Variants in PACS1 observed in about 807,000 individuals in gnomAD.
PACS1 encodes phosphofurin acidic cluster sorting protein 1.
Under a neutral mutation model 115.0 loss-of-function variants are expected in PACS1, and 24 were observed. The ratio of observed to expected loss-of-function variants is 0.21; its 90% CI spans 0.15 to 0.29. PACS1 has a LOEUF of 0.29. PACS1 is among the 10% of genes least tolerant of loss of function. The pLI, the probability that PACS1 is intolerant of heterozygous loss-of-function variation, is 1.00. For missense variants in PACS1, 838 were observed against 1,251.2 expected, an observed-to-expected ratio of 0.67 and a Z score of 4.98; for synonymous variants, 453 against 504.5, an observed-to-expected ratio of 0.90 and a Z score of 1.37.
chr11:66,114,515 A>G (rs1382172373), intron 1 of PACS1, among the ~76,000 whole-genome samples: 2 of 152,144 alleles, frequency 1.3e-5, no homozygotes, highest in Non-Finnish European at 2.9e-5. Context: ...CATAGAATAG[A>G]GAAAACACAG....
chr11:66,140,084 G>A (rs924025535), intron 1 of PACS1, among the ~76,000 whole-genome samples: 1 of 152,130 alleles, frequency 6.6e-6, no homozygotes, highest in African/African-American at 2.4e-5. Context: ...ACTCTGATGT[G>A]GTAAAAACCT....
At chr11:66,190,166 A>C (rs1854483739) in intron 1 of PACS1, among the ~76,000 whole-genome samples, 1 of 152,256 alleles carries the variant, frequency 6.6e-6, no homozygotes, top group Non-Finnish European at 1.5e-5. Context: ...CATACTGAAG[A>C]CTACCTGATC....
At chr11:66,230,393 G>A (rs796078154) in intron 11 of PACS1, 155 bp from the exon 12 acceptor site, 22 of 622,158 alleles carry the variant, frequency 3.5e-5, no homozygotes, top group African/African-American at 3.5e-4. Flanking sequence ...ATTTTCCTTC[G>A]GCTGAGGCAG....
Position 66,070,346 on chromosome 11 carries a change from C to G in PACS1, c.-141C>G, listed in dbSNP as rs1377706583. On this transcript the variant is annotated 5_prime_UTR_variant, in exon 1 of 24. Transcript: ENST00000320580. The surrounding 1 kb of genome is among the most constrained non-coding windows in gnomAD (Gnocchi z 5.9). Reference sequence around the variant, plus strand: ...GGCCCGCGCGCCCAGAGGCCCCGCGCGTGCGTGCAGCTCGCTGGCTGCTCG... The same window carrying G: ...GGCCCGCGCGCCCAGAGGCCCCGCGGGTGCGTGCAGCTCGCTGGCTGCTCG... The G allele has an allele frequency of 3.2e-5, 11 of 346,258 alleles. No individual in the cohort carries two copies. Among genetic ancestry groups the G allele is most frequent in the Admixed American group, 5.4e-5 (1 of 18,536 alleles). The allele number at this position is 346,258 out of a possible 1,614,324, so 21.4% of individuals were successfully genotyped here.
chr11:66,222,857 G>A (rs1855382617), intron 10 of PACS1, among the ~76,000 whole-genome samples: 1 of 151,900 alleles, frequency 6.6e-6, no homozygotes, highest in African/African-American at 2.4e-5. Flanking sequence ...ACCAGGTGGG[G>A]CTCTCTCCCA....
chr11:66,205,554 A>G (rs1854915648), intron 2 of PACS1, among the ~76,000 whole-genome samples: 1 of 151,880 alleles, frequency 6.6e-6, no homozygotes, highest in African/African-American at 2.4e-5. Flanking sequence ...CATAAAAATT[A>G]TTAGTTAAAA....
intron 1 of PACS1, among the ~76,000 whole-genome samples, chr11:66,117,478 A>G (rs1298377480): frequency 6.8e-6 from 1 of 146,378 alleles, no homozygotes; most frequent in Non-Finnish European, 1.5e-5. Flanking sequence ...AAAAAAAGAG[A>G]GAAAAGAAAG....
Position 66,158,633 on chromosome 11 carries a change from C to A in PACS1, c.357-34853C>A, listed in dbSNP as rs191024655. 6.6e-5 allele frequency among the ~76,000 whole-genome samples: 10 copies of A among 152,226 alleles called. No individual in the cohort carries two copies. In the East Asian group the frequency reaches 1.9e-3, roughly 29 times the overall value. On this transcript the variant is annotated intron_variant, in intron 1 of 23. Coordinates refer to ENST00000320580, the MANE Select transcript of PACS1 (RefSeq NM_018026.4). ...GGAGTATTGCGTGAGCCCAGGAGTT[C>A]TAGGCTGCAGTGAGCTATGACCACA... is the stretch of plus-strand genomic sequence containing the variant.
At chr11:66,239,404 T>C in intron 21 of PACS1, 127 bp downstream of exon 21, 1 of 1,114,176 alleles carries the variant, frequency 9.0e-7, no homozygotes, top group South Asian at 1.6e-5. Context: ...ACACCTGTGG[T>C]CCTAGCTACT....
At chr11:66,195,084 C>T (rs972845406) in intron 2 of PACS1, among the ~76,000 whole-genome samples, 3 of 152,016 alleles carry the variant, frequency 2.0e-5, no homozygotes, top group Admixed American at 6.6e-5. Flanking sequence ...ATTAGCCAGG[C>T]GTGCATGTAG....
chr11:66,224,271 A>G (rs1342400904), intron 10 of PACS1, among the ~76,000 whole-genome samples: 2 of 151,368 alleles, frequency 1.3e-5, no homozygotes, highest in Admixed American at 6.6e-5. Flanking sequence ...CTGTCAGGGC[A>G]AAAACACATT....
intron 1 of PACS1, among the ~76,000 whole-genome samples, chr11:66,114,291 G>A (rs1858255932): frequency 1.3e-5 from 2 of 151,784 alleles, no homozygotes; most frequent in Non-Finnish European, 2.9e-5. Context: ...AGTGGCGGAC[G>A]CCTATAGTCA....
At chr11:66,224,624 A>G (rs1046298731) in intron 10 of PACS1, among the ~76,000 whole-genome samples, 4 of 152,166 alleles carry the variant, frequency 2.6e-5, no homozygotes, top group African/African-American at 9.7e-5. Context: ...TCCCTTGGCC[A>G]CGTTTCAGAC....
chr11:66,221,026 C>T, intron 9 of PACS1, 128 bp from the exon 10 acceptor site: 5 of 964,180 alleles, frequency 5.2e-6, no homozygotes, highest in African/African-American at 1.6e-5. Context: ...CCTGCACTTC[C>T]CTGCTCACCG....
intron 1 of PACS1, among the ~76,000 whole-genome samples, chr11:66,168,100 G>A (rs138070765): frequency 4.7e-5 from 7 of 149,712 alleles, no homozygotes; most frequent in Admixed American, 6.6e-5. Flanking sequence ...ATGGGGTCTC[G>A]CCATGTTGCC....
chr11:66,177,848 G>A (rs1456140692), intron 1 of PACS1, among the ~76,000 whole-genome samples: 1 of 152,030 alleles, frequency 6.6e-6, no homozygotes, highest in Non-Finnish European at 1.5e-5. Flanking sequence ...TTTTAAGAGT[G>A]GGAACTTTGC....
chr11:66,193,384 C>T (rs2134673719), intron 1 of PACS1, 102 bp from the exon 2 acceptor site: 3 of 736,136 alleles, frequency 4.1e-6, no homozygotes, highest in South Asian at 1.6e-5. Context: ...ACAGCGTTCT[C>T]ACATTCTTAC....
At chr11:66,122,468 G>A (rs1858467352) in intron 1 of PACS1, among the ~76,000 whole-genome samples, 2 of 152,144 alleles carry the variant, frequency 1.3e-5, no homozygotes, top group Non-Finnish European at 2.9e-5. Flanking sequence ...ATTTTGTAAG[G>A]TTATAGCTGC....
rs1163162589 is a variant in PACS1 at position 66,070,536 on chromosome 11, G to T, written c.50G>T (p.Gly17Val). The T allele has an allele frequency of 7.5e-7, 1 of 1,335,630 alleles. No individual in the cohort carries two copies. The highest frequency in any genetic ancestry group is 4.1e-5 in the Admixed American group (1 of 24,232). 82.7% of individuals were successfully genotyped at this position (1,335,630 alleles called of 1,614,324 possible). A position where few individuals can be genotyped will look rare whatever the true frequency, so the allele number is the denominator to read the frequency against. ...AGGGPGGAGG[G>V]SGQRGSGVAQ... is the part of the protein sequence containing the mutation. ...GGTGGTCCCGGAGGCGCCGGGGGCGGCAGCGGCCAGCGGGGATCCGGGGTC... is the reference window on the plus strand; with the variant it reads ...GGTGGTCCCGGAGGCGCCGGGGGCGTCAGCGGCCAGCGGGGATCCGGGGTC... Residue 17 changes from glycine to valine, a missense_variant, in exon 1 of 24, where the codon GGC (glycine) becomes GTC (valine). This residue lies in a region of PACS1 where 15 missense variants were observed against 39.0 expected (regional missense o/e 0.38). Coordinates refer to ENST00000320580, the MANE Select transcript of PACS1 (RefSeq NM_018026.4). This position sits in a 1 kb window ranked among gnomAD's most constrained non-coding sequence, Gnocchi z 5.9.
Sources: gnomAD v4.1 joint callset for allele counts (sites outside exome capture counted in the v4.1 genomes callset) on GRCh38, gnomAD v4.1.1 for gene constraint, gnomAD v4.1.1 regional missense constraint, Gnocchi (gnomAD v3.1) non-coding constraint, MANE v1.5 for transcripts, NCBI Gene and HGNC (gene_info 2026-07-23, HGNC 2026-07-21) for gene names.